The following C13orf42 variants were observed in gnomAD, a reference collection of about 807,000 sequenced individuals.
C13orf42 encodes the protein chromosome 13 open reading frame 42.
intron 1 of C13orf42, among the ~76,000 whole-genome samples, chr13:51,168,461 T>C (rs114926711): frequency 2.0e-4 from 30 of 152,342 alleles, no homozygotes; most frequent in African/African-American, 7.0e-4. Context: ...TTCTGACAAG[T>C]GGGAAGTAGT....
intron 1 of C13orf42, among the ~76,000 whole-genome samples, chr13:51,089,783 G>A (rs528237822): frequency 1.3e-5 from 2 of 151,128 alleles, no homozygotes; most frequent in Non-Finnish European, 2.9e-5. Context: ...TCCACAGATG[G>A]CCTTTCTCTT....
chr13:51,159,000 T>G (rs1953843498), intron 1 of C13orf42, among the ~76,000 whole-genome samples: 1 of 152,252 alleles, frequency 6.6e-6, no homozygotes, highest in Non-Finnish European at 1.5e-5. Flanking sequence ...CATGTCAATA[T>G]GCTGATAAGC....
At chr13:51,130,854 A>T (rs201520327) in intron 1 of C13orf42, among the ~76,000 whole-genome samples, 1 of 82,974 alleles carries the variant, frequency 1.2e-5, no homozygotes, top group African/African-American at 3.6e-5. Flanking sequence ...TGTTTTTGGT[A>T]AAAAAAAAAT....
intron 1 of C13orf42, among the ~76,000 whole-genome samples, chr13:51,089,986 A>C (rs1953165929): frequency 6.6e-6 from 1 of 151,884 alleles, no homozygotes; most frequent in South Asian, 2.1e-4. Flanking sequence ...GAAGAGGGAC[A>C]ATTCAACCTT....
chr13:51,085,385 T>C lies in C13orf42; in HGVS notation c.737A>G (p.Tyr246Cys). The stretch of plus-strand genomic sequence containing the variant: ...GGCCCCTTCCACAGCCTTGGGCAAA[T>C]AAATGGGGTGCCTCTCGAGTCTCCT... ...TQRRLERHPIYLPKAVEGAFN... is the reference protein window; with the variant it reads ...TQRRLERHPICLPKAVEGAFN... The change falls in exon 3 of 4, where the codon TAT (tyrosine) becomes TGT (cysteine). Residue 246 changes from tyrosine (Y) to cysteine (C), a missense_variant. Transcript: ENST00000563710. The C allele has an allele frequency of 7.5e-6, 3 of 398,440 alleles. No homozygotes were observed. Among genetic ancestry groups the C allele is most frequent in the Non-Finnish European group, 1.3e-5 (3 of 226,034 alleles). 24.7% of individuals were successfully genotyped at this position (398,440 alleles called of 1,614,324 possible).
intron 1 of C13orf42, among the ~76,000 whole-genome samples, chr13:51,088,412 A>G (rs1314166401): frequency 1.3e-5 from 2 of 152,102 alleles, no homozygotes; most frequent in African/African-American, 4.8e-5. Flanking sequence ...AGGAGATTGT[A>G]CAGTTCCTTA....
At chr13:51,147,081 G>T (rs891528994) in intron 1 of C13orf42, among the ~76,000 whole-genome samples, 1 of 152,256 alleles carries the variant, frequency 6.6e-6, no homozygotes, top group Non-Finnish European at 1.5e-5. Flanking sequence ...GCAGGCCAGG[G>T]GAGAGGTGGC....
At chr13:51,118,026 G>T (rs1953506051) in intron 1 of C13orf42, among the ~76,000 whole-genome samples, 1 of 152,162 alleles carries the variant, frequency 6.6e-6, no homozygotes, top group African/African-American at 2.4e-5. Flanking sequence ...ACCTCCCGTT[G>T]ACCAGAATCT....
intron 1 of C13orf42, among the ~76,000 whole-genome samples, chr13:51,095,979 T>A (rs1001425054): frequency 2.0e-5 from 3 of 152,222 alleles, no homozygotes; most frequent in Non-Finnish European, 4.4e-5. Flanking sequence ...GAGGTTTTTA[T>A]GCCTGCAAAT....
At chr13:51,161,601 A>C (rs1285671060) in intron 1 of C13orf42, 1 of 165,980 alleles carries the variant, frequency 6.0e-6, no homozygotes, top group Non-Finnish European at 1.3e-5. Flanking sequence ...GGGCCTGCTG[A>C]AATTATTCTA....
intron 1 of C13orf42, among the ~76,000 whole-genome samples, chr13:51,145,324 C>T (rs543669622): frequency 5.4e-5 from 8 of 148,464 alleles, no homozygotes; most frequent in African/African-American, 2.0e-4. Context: ...TGGTCTATAT[C>T]GATTTTTTTT....
chr13:51,127,024 G>T (rs1331317873), intron 1 of C13orf42, among the ~76,000 whole-genome samples: 1 of 152,234 alleles, frequency 6.6e-6, no homozygotes, highest in Non-Finnish European at 1.5e-5. Context: ...AAAAAGAGCT[G>T]GGCGTGGTGG....
At chr13:51,104,488 A>T (rs1214039777) in intron 1 of C13orf42, among the ~76,000 whole-genome samples, 1 of 152,182 alleles carries the variant, frequency 6.6e-6, no homozygotes, top group Admixed American at 6.5e-5. Flanking sequence ...GGAGTTTGAG[A>T]AAAGTATTTA....
chr13:51,160,597 C>A (rs1355788045), intron 1 of C13orf42, among the ~76,000 whole-genome samples: 1 of 152,070 alleles, frequency 6.6e-6, no homozygotes, highest in Non-Finnish European at 1.5e-5. Flanking sequence ...AGCAAGCCTC[C>A]CTCATTGAAA....
At position 51,082,540 on chromosome 13, in the gene C13orf42, A is replaced by G. The variant is rs1953075980; in HGVS notation, c.*1611T>C. On this transcript the variant is annotated 3_prime_UTR_variant, in exon 4 of 4. Transcript: ENST00000563710. Reference sequence around the variant, plus strand: ...TAAGAGGCAGAGTAAAGACACCTTTATCCTGAGTTTATCCCCAACAATGAA... The same window carrying G: ...TAAGAGGCAGAGTAAAGACACCTTTGTCCTGAGTTTATCCCCAACAATGAA... 1 of 152,246 alleles carries G rather than the reference A, an allele frequency of 6.6e-6. No homozygotes were observed. The highest frequency in any genetic ancestry group is 2.1e-4 in the South Asian group (1 of 4,832). The allele number at this position is 152,246 out of a possible 1,614,324, so 9.4% of individuals were successfully genotyped here. A position where few individuals can be genotyped will look rare whatever the true frequency, so the allele number is the denominator to read the frequency against.
In C13orf42 at chr13:51,171,051, C is replaced by A. The variant is rs112640792; in HGVS notation, n.136+1202G>T. Reference sequence around the variant, plus strand: ...TTTCCGTGCCCCAACCCCTTCTCTGCTTTTCTGGAGGGCAAGAACCCCCCA... The same window carrying A: ...TTTCCGTGCCCCAACCCCTTCTCTGATTTTCTGGAGGGCAAGAACCCCCCA... On this transcript the variant is annotated intron_variant and non_coding_transcript_variant, in intron 1 of 4. Coordinates refer to the C13orf42 transcript ENST00000433280. Among the ~76,000 whole-genome samples, 584 of 152,132 alleles carry A rather than the reference C, an allele frequency of 3.8e-3. 10 individuals carry two copies. The highest frequency in any genetic ancestry group is 0.014 in the African/African-American group (563 of 41,450).
intron 1 of C13orf42, among the ~76,000 whole-genome samples, chr13:51,117,450 T>C (rs889877184): frequency 6.6e-6 from 1 of 152,214 alleles, no homozygotes; most frequent in Non-Finnish European, 1.5e-5. Flanking sequence ...TAAAGTGATA[T>C]ACTGCAGCAT....
intron 1 of C13orf42, among the ~76,000 whole-genome samples, chr13:51,136,545 G>A (rs901696415): frequency 6.6e-6 from 1 of 152,186 alleles, no homozygotes; most frequent in Non-Finnish European, 1.5e-5. Context: ...CATGGGAGGG[G>A]CTATATACTT....
intron 1 of C13orf42, among the ~76,000 whole-genome samples, chr13:51,092,998 T>A (rs1277428109): frequency 6.6e-6 from 1 of 152,166 alleles, no homozygotes; most frequent in Non-Finnish European, 1.5e-5. Context: ...CTTTAACAGA[T>A]AAGAGTTTTC....
Sources: allele counts gnomAD v4.1 joint callset (sites outside exome capture counted in the v4.1 genomes callset), GRCh38; gene constraint gnomAD v4.1.1; transcripts MANE v1.5; gene names NCBI Gene and HGNC (gene_info 2026-07-23, HGNC 2026-07-21).